ASIC2: variants seen among roughly 807,000 people sequenced by gnomAD.
ASIC2 encodes acid sensing ion channel subunit 2.
ASIC2 carries 25 observed loss-of-function variants against 57.3 expected under a neutral mutation model. The observed-to-expected ratio is 0.44, with a 90% CI of 0.32 to 0.61. The LOEUF (loss-of-function observed/expected upper bound fraction) is 0.61, where lower values mean the gene tolerates loss of function less well. Among genes scored for constraint, ASIC2 ranks in the 20% least tolerant of loss-of-function variants. ASIC2 has a pLI of 0.06. For missense variants in ASIC2, 641 were observed against 738.1 expected (o/e 0.87, Z 1.52); for synonymous variants, 319 against 307.5 (o/e 1.04, Z -0.39).
chr17:33,427,360 C>A (rs1265476179), intron 1 of ASIC2, among the ~76,000 whole-genome samples: 2 of 152,118 alleles, frequency 1.3e-5, no homozygotes, highest in Admixed American at 1.3e-4. Context: ...AATCTGCTAG[C>A]AGAACAAAGA....
At chr17:34,059,420 T>A (rs1908888497) in intron 1 of ASIC2, among the ~76,000 whole-genome samples, 1 of 152,092 alleles carries the variant, frequency 6.6e-6, no homozygotes, top group Non-Finnish European at 1.5e-5. Context: ...GAGCAGAGGG[T>A]AAAACTCCAC....
intron 1 of ASIC2, among the ~76,000 whole-genome samples, chr17:33,285,017 C>T (rs1288966790): frequency 1.3e-5 from 2 of 152,196 alleles, no homozygotes; most frequent in Non-Finnish European, 2.9e-5. Context: ...TGTGCATTGA[C>T]TCCAATTGAC....
At chr17:33,801,529 C>A (rs1279402676) in intron 1 of ASIC2, among the ~76,000 whole-genome samples, 2 of 152,026 alleles carry the variant, frequency 1.3e-5, no homozygotes, top group Non-Finnish European at 2.9e-5. Context: ...ATCTGAGGGA[C>A]CCTGGGTGAG....
At chr17:33,268,109 G>C (rs112769766) in intron 1 of ASIC2, among the ~76,000 whole-genome samples, 196 of 152,282 alleles carry the variant, frequency 1.3e-3, no homozygotes, top group Admixed American at 5.0e-3. Context: ...ATTCATTCCA[G>C]GGACAGCGCC....
At chr17:34,100,034 TCTC>T (rs1479115118) in intron 1 of ASIC2, among the ~76,000 whole-genome samples, 1 of 152,074 alleles carries the variant, frequency 6.6e-6, no homozygotes, top group Admixed American at 6.5e-5. Flanking sequence ...TGCAAGGTGA[TCTC>T]CTCTGACCAG....
At chr17:33,098,954 A>G (rs1228177833) in intron 2 of ASIC2, among the ~76,000 whole-genome samples, 2 of 149,978 alleles carry the variant, frequency 1.3e-5, no homozygotes, top group Non-Finnish European at 3.0e-5. Context: ...AAATATATAT[A>G]TAAACAAAAA....
rs145155197 is a variant in ASIC2, at chr17:33,821,968, T to C, written c.555+334010A>G. Among the ~76,000 whole-genome samples the C allele has an allele frequency of 3.3e-5, 5 of 152,254 alleles. No individual in the cohort carries two copies. In the East Asian group the frequency reaches 9.7e-4, roughly 29 times the overall value. On this transcript the variant is annotated intron_variant, in intron 1 of 9. Transcript: ENST00000359872. ...TTCTAGCTGGGAAGGTGGGAAATTG[T>C]GGGGATGCAGCATGTGATTTAGAAA...
chr17:33,967,686 C>A (rs895980326), intron 1 of ASIC2, among the ~76,000 whole-genome samples: 2 of 152,302 alleles, frequency 1.3e-5, no homozygotes, highest in South Asian at 4.1e-4. Context: ...TACGCCATAG[C>A]AAAATGGGTA....
At chr17:33,081,181 A>G (rs1344198536) in intron 3 of ASIC2, among the ~76,000 whole-genome samples, 1 of 152,206 alleles carries the variant, frequency 6.6e-6, no homozygotes, top group Admixed American at 6.5e-5. Context: ...AATCCTTCTA[A>G]TTCCTCCCTC....
At chr17:33,263,256 C>G (rs1909347884) in intron 1 of ASIC2, among the ~76,000 whole-genome samples, 1 of 152,190 alleles carries the variant, frequency 6.6e-6, no homozygotes, top group Admixed American at 6.5e-5. Context: ...CACCCGCTGT[C>G]TCTCTAAGCT....
chr17:33,671,482 A>C (rs1392503956), intron 1 of ASIC2, among the ~76,000 whole-genome samples: 3 of 152,222 alleles, frequency 2.0e-5, no homozygotes, highest in Non-Finnish European at 4.4e-5. Context: ...GAATTAGTGA[A>C]AGCAGTTCTC....
At chr17:33,318,192 C>T (rs1906733083) in intron 1 of ASIC2, among the ~76,000 whole-genome samples, 1 of 152,130 alleles carries the variant, frequency 6.6e-6, no homozygotes, top group African/African-American at 2.4e-5. Context: ...GGGGCTTGCC[C>T]TCCTCCCCTT....
intron 1 of ASIC2, among the ~76,000 whole-genome samples, chr17:34,035,026 T>C (rs1422553382): frequency 6.6e-6 from 1 of 151,292 alleles, no homozygotes; most frequent in Non-Finnish European, 1.5e-5. Flanking sequence ...AAAGTTCATA[T>C]GGAACCAAAA....
intron 3 of ASIC2, among the ~76,000 whole-genome samples, chr17:33,042,279 G>T (rs1305352966): frequency 6.6e-6 from 1 of 152,126 alleles, no homozygotes; most frequent in Non-Finnish European, 1.5e-5. Flanking sequence ...CTTCAGTAAG[G>T]GTTCAACCCA....
chr17:33,370,084 G>T (rs1021006726), intron 1 of ASIC2, among the ~76,000 whole-genome samples: 4 of 152,160 alleles, frequency 2.6e-5, no homozygotes, highest in Non-Finnish European at 5.9e-5. Context: ...TCCAGTGCCT[G>T]CTGATGGCAT....
intron 1 of ASIC2, among the ~76,000 whole-genome samples, chr17:33,219,899 A>T (rs935888158): frequency 1.3e-5 from 2 of 152,192 alleles, no homozygotes; most frequent in African/African-American, 2.4e-5. Flanking sequence ...TGGGCTCTGC[A>T]GAGCAGGGTC....
rs191165267 is a variant in ASIC2, at chr17:33,987,677, C to T, written c.555+168301G>A. On this transcript the variant is annotated intron_variant, in intron 1 of 9. Transcript: ENST00000359872. ...ACTAACCAACCAACCAACCAACCAA[C>T]GAACCAGAAAGCATTTACTGAGGCA... 1.7e-3 allele frequency among the ~76,000 whole-genome samples: 256 copies of T among 152,286 alleles called. 2 individuals are homozygous for T. The highest frequency in any genetic ancestry group is 2.7e-3 in the Non-Finnish European group (184 of 68,022).
intron 1 of ASIC2, among the ~76,000 whole-genome samples, chr17:33,661,333 C>G (rs1344763941): frequency 6.6e-6 from 1 of 152,216 alleles, no homozygotes; most frequent in African/African-American, 2.4e-5. Context: ...CGTTTTGCAT[C>G]GTGGAAGGAG....
chr17:34,124,592 T>C (rs1013011010), intron 1 of ASIC2, among the ~76,000 whole-genome samples: 7 of 152,138 alleles, frequency 4.6e-5, no homozygotes, highest in Non-Finnish European at 1.0e-4. Context: ...ACTAGGTGGC[T>C]TAAGGAAAAA....
Sources: gnomAD v4.1 joint callset for allele counts (sites outside exome capture counted in the v4.1 genomes callset) on GRCh38, gnomAD v4.1.1 for gene constraint, MANE v1.5 for transcripts, NCBI Gene and HGNC (gene_info 2026-07-23, HGNC 2026-07-21) for gene names.